LAMA3: variants seen among roughly 807,000 people sequenced by gnomAD.
LAMA3 encodes the protein laminin subunit alpha 3.
A neutral mutation model predicts 402.0 loss-of-function variants in LAMA3; 281 were observed. The ratio of observed to expected loss-of-function variants is 0.70; its 90% CI spans 0.63 to 0.77. The LOEUF is 0.77. Ranked by LOEUF, LAMA3 falls within the 30% of genes least tolerant of loss-of-function variation. The pLI is 0.00. For synonymous variants in LAMA3, 1,431 were observed against 1,558.4 expected (o/e 0.92, Z 1.93); for missense variants, 3,840 against 4,215.5 (o/e 0.91, Z 2.47).
At chr18:23,730,690 A>G (rs1456148550) in intron 2 of LAMA3, among the ~76,000 whole-genome samples, 2 of 152,018 alleles carry the variant, frequency 1.3e-5, no homozygotes, top group African/African-American at 2.4e-5. Context: ...TCTTAAACAA[A>G]ATGGGATGTA....
chr18:23,826,895 G>A (rs1210855790), intron 22 of LAMA3, 96 bp downstream of exon 22: 9 of 743,022 alleles, frequency 1.2e-5, no homozygotes, highest in Non-Finnish European at 1.9e-5. Context: ...GGATCACAAC[G>A]ACAGCATGAT....
intron 14 of LAMA3, among the ~76,000 whole-genome samples, chr18:23,813,607 G>A (rs1291454257): frequency 7.4e-6 from 1 of 135,562 alleles, no homozygotes; most frequent in Non-Finnish European, 1.5e-5. Flanking sequence ...GCAGTGCCGC[G>A]ATCTCAGCTC....
chr18:23,745,020 T>A (rs1239287360), intron 2 of LAMA3, among the ~76,000 whole-genome samples: 1 of 152,092 alleles, frequency 6.6e-6, no homozygotes, highest in Non-Finnish European at 1.5e-5. Flanking sequence ...GGACAATGTA[T>A]TAAATACAAT....
In LAMA3 at chr18:23,939,283, T is replaced by A; in HGVS notation, c.8923T>A (p.Ser2975Thr). 6.2e-7 allele frequency: 1 copy of A among 1,614,176 alleles called. No individual in the cohort carries two copies. The highest frequency in any genetic ancestry group is 8.5e-7 in the Non-Finnish European group (1 of 1,180,006). Residue 2975 changes from serine (S) to threonine (T), a missense_variant, in exon 68 of 75, where the codon TCA becomes ACA. Transcript: ENST00000313654. ...RSVKVWQDAC[S>T]PLPKTQANHG... Reference sequence around the variant, plus strand: ...CGTGAAGGTGTGGCAAGATGCTTGCTCACCACTTCCCAAGACCCAGGCCAA... The same window carrying A: ...CGTGAAGGTGTGGCAAGATGCTTGCACACCACTTCCCAAGACCCAGGCCAA...
intron 67 of LAMA3, among the ~76,000 whole-genome samples, chr18:23,934,386 A>G (rs1370615834): frequency 1.3e-5 from 2 of 152,182 alleles, no homozygotes; most frequent in Non-Finnish European, 2.9e-5. Flanking sequence ...CCCAATGCTT[A>G]GGCTGCATCT....
At chr18:23,790,387 T>C (rs1437270790) in intron 12 of LAMA3, among the ~76,000 whole-genome samples, 1 of 152,252 alleles carries the variant, frequency 6.6e-6, no homozygotes, top group Admixed American at 6.5e-5. Context: ...TAGTTATTTA[T>C]GTTTTGCTAG....
Position 23,802,090 on chromosome 18 carries a change from G to C in LAMA3, c.1604-8276G>C, listed in dbSNP as rs185158270. 2.0e-3 allele frequency among the ~76,000 whole-genome samples: 304 copies of C among 152,224 alleles called. 1 individual carries two copies. Among genetic ancestry groups the C allele is most frequent in the African/African-American group, 7.1e-3 (295 of 41,546 alleles). ...AAATACAAAAATCCAAAATGCTCCC[G>C]CATCCAGAACTTTTTGAGTGCTGAC... On this transcript the variant is annotated intron_variant, in intron 12 of 74. Coordinates refer to ENST00000313654, the MANE Select transcript of LAMA3 (RefSeq NM_198129.4).
At chr18:23,928,804 C>G in intron 64 of LAMA3, 39 bp downstream of exon 64, 2 of 1,586,076 alleles carry the variant, frequency 1.3e-6, no homozygotes, top group Non-Finnish European at 1.7e-6. Context: ...AGATTTAAAC[C>G]TGACTCAAAG....
At chr18:23,755,584 A>G (rs1465179954) in intron 6 of LAMA3, among the ~76,000 whole-genome samples, 12 of 152,224 alleles carry the variant, frequency 7.9e-5, no homozygotes. Flanking sequence ...AATGAGGCAG[A>G]ACCCAAGAAG....
chr18:23,894,791 G>C, intron 43 of LAMA3, 116 bp from the exon 44 acceptor site: 2 of 1,309,006 alleles, frequency 1.5e-6, no homozygotes, highest in Non-Finnish European at 1.1e-6. Context: ...CAGGGCTGTG[G>C]TTGTCACCCG....
chr18:23,931,786 T>G (rs1184322582), intron 65 of LAMA3: 3 of 315,510 alleles, frequency 9.5e-6, no homozygotes, highest in Non-Finnish European at 1.8e-5. Context: ...TTAAAGGGAA[T>G]GCACAACAGG....
intron 41 of LAMA3, among the ~76,000 whole-genome samples, chr18:23,888,327 G>A (rs961782826): frequency 2.6e-5 from 4 of 152,168 alleles, no homozygotes; most frequent in East Asian, 1.9e-4. Flanking sequence ...GTCTTATTAC[G>A]ATAGCTACCC....
At chr18:23,830,844 C>A (rs548752174) in intron 23 of LAMA3, among the ~76,000 whole-genome samples, 2 of 152,130 alleles carry the variant, frequency 1.3e-5, no homozygotes, top group Non-Finnish European at 2.9e-5. Context: ...ATTGTTATGC[C>A]CAGTCATACC....
chr18:23,691,854 G>A (rs1421644513), intron 1 of LAMA3, among the ~76,000 whole-genome samples: 5 of 152,188 alleles, frequency 3.3e-5, no homozygotes, highest in East Asian at 1.9e-4. Flanking sequence ...TTACAGGCAT[G>A]AGCCACTGCA....
intron 2 of LAMA3, among the ~76,000 whole-genome samples, chr18:23,736,630 C>T (rs780023316): frequency 3.9e-5 from 6 of 152,212 alleles, no homozygotes; most frequent in Non-Finnish European, 7.4e-5. Context: ...GTTATAAAAG[C>T]TTTAATATTT....
intron 8 of LAMA3, among the ~76,000 whole-genome samples, chr18:23,769,181 A>ACTAC (rs1455493312): frequency 2.0e-5 from 3 of 152,204 alleles, no homozygotes; most frequent in African/African-American, 4.8e-5. Flanking sequence ...ATTTTAGGAA[A>ACTAC]CTACCTACCT....
chr18:23,838,314 A>G (rs556220938), intron 25 of LAMA3, among the ~76,000 whole-genome samples: 86 of 152,352 alleles, frequency 5.6e-4, no homozygotes, highest in African/African-American at 1.8e-3. Context: ...CAAAGGCCAA[A>G]TTAGCCTGAG....
In LAMA3 at chr18:23,748,199, C is replaced by T. The variant is rs546448729; in HGVS notation, c.565+139C>T. 38 of 691,992 alleles carry T rather than the reference C, an allele frequency of 5.5e-5. No individual in the cohort carries two copies. The East Asian group carries it at 5.9e-4, about 11-fold the overall frequency. 42.9% of individuals were successfully genotyped at this position (691,992 alleles called of 1,614,324 possible). On this transcript the variant is annotated intron_variant, in intron 3 of 74. Transcript: ENST00000313654. ...ATCCCAGCATTTTGGAAGGCCAAGGCGGGTGGATTACCTGAGGTCAGGAGT... is the reference window on the plus strand; with the variant it reads ...ATCCCAGCATTTTGGAAGGCCAAGGTGGGTGGATTACCTGAGGTCAGGAGT...
chr18:23,819,949 A>G lies in LAMA3; in HGVS notation c.2256A>G (p.Ala752=). 6.2e-7 allele frequency: 1 copy of G among 1,614,148 alleles called. No individual in the cohort carries two copies. Among genetic ancestry groups the G allele is most frequent in the East Asian group, 2.2e-5 (1 of 44,878 alleles). ...RDLRFGFDPL[A]FPEFSWRGYA... ...TTCGATTTGGATTTGATCCGCTGGC[A>G]TTTCCTGAGTTTAGCTGGAGAGGAT... The change falls in exon 19 of 75, where the codon GCA becomes GCG. Residue 752 remains alanine, a synonymous_variant. Transcript: ENST00000313654.
Sources: gnomAD v4.1 joint callset for allele counts (sites outside exome capture counted in the v4.1 genomes callset) on GRCh38, gnomAD v4.1.1 for gene constraint, MANE v1.5 for transcripts, NCBI Gene and HGNC (gene_info 2026-07-23, HGNC 2026-07-21) for gene names.